Variants in SPEN observed in about 807,000 individuals in gnomAD.
SPEN encodes the protein msx2-interacting protein.
A neutral mutation model predicts 269.9 loss-of-function variants in SPEN; 18 were observed. The observed-to-expected ratio is 0.07, with a 90% confidence interval of 0.05 to 0.10. SPEN has a LOEUF of 0.10. SPEN is among the 10% of genes least tolerant of loss of function. The probability of loss-of-function intolerance (pLI) is 1.00; values close to 1 mark genes in which losing one functional copy is unlikely to be tolerated. For missense variants in SPEN, 3,822 were observed against 4,631.2 expected (o/e 0.83, Z 5.07); for synonymous variants, 1,726 against 1,765.7 (o/e 0.98, Z 0.56).
chr1:15,912,443 G>A (rs2071020620), intron 5 of SPEN, among the ~76,000 whole-genome samples: 1 of 152,098 alleles, frequency 6.6e-6, no homozygotes, highest in Non-Finnish European at 1.5e-5. Flanking sequence ...GGAATTTATA[G>A]GGTAAACATG....
chr1:15,856,434 A>G lies in SPEN; in HGVS notation c.83+8284A>G, dbSNP rs914115470. On this transcript the variant is annotated intron_variant, in intron 1 of 14. Coordinates refer to ENST00000375759, the MANE Select transcript of SPEN (RefSeq NM_015001.3). ...CAACTATAATATAGAGAAAACTAAT[A>G]GTAGTTGTGATTTTCGTCACCAATA... is the stretch of plus-strand genomic sequence containing the variant. Among the ~76,000 whole-genome samples, 6 of 152,216 alleles carry G rather than the reference A, an allele frequency of 3.9e-5. No individual in the cohort carries two copies. In the South Asian group the frequency reaches 6.2e-4, roughly 16 times the overall value.
intron 3 of SPEN, among the ~76,000 whole-genome samples, chr1:15,877,220 A>G (rs1214488677): frequency 6.6e-6 from 1 of 152,130 alleles, no homozygotes; most frequent in Non-Finnish European, 1.5e-5. Context: ...GCAGGTTGTA[A>G]CTTTACTGTT....
Position 15,848,537 on chromosome 1 carries a change from C to T in SPEN, c.83+387C>T, listed in dbSNP as rs957849547. Among the ~76,000 whole-genome samples, 1 of 152,008 alleles carries T rather than the reference C, an allele frequency of 6.6e-6. No homozygotes were observed. The highest frequency in any genetic ancestry group is 1.5e-5 in the Non-Finnish European group (1 of 67,954). On this transcript the variant is annotated intron_variant, in intron 1 of 14. Transcript: ENST00000375759. The surrounding 1 kb of genome is among the most constrained non-coding windows in gnomAD (Gnocchi z 5.1). Reference sequence around the variant, plus strand: ...AGTGCCCGGCCCGGAGCAGCCGGGACCCGAGCCCGCCCGACAGCCGGGTCC... The same window carrying T: ...AGTGCCCGGCCCGGAGCAGCCGGGATCCGAGCCCGCCCGACAGCCGGGTCC...
intron 2 of SPEN, among the ~76,000 whole-genome samples, chr1:15,874,769 G>A (rs72649627): frequency 0.011 from 1,747 of 152,178 alleles, 23 homozygotes; most frequent in Non-Finnish European, 0.014. Context: ...TCTCAGAACT[G>A]TAGTAAATAA....
At chr1:15,859,526 C>T (rs555453046) in intron 1 of SPEN, among the ~76,000 whole-genome samples, 191 of 151,648 alleles carry the variant, frequency 1.3e-3, no homozygotes, top group Middle Eastern at 0.01. Context: ...CCCGCCACCA[C>T]GCCCGGCTAA....
intron 10 of SPEN, among the ~76,000 whole-genome samples, chr1:15,926,259 T>TGGTG (rs1045361984): frequency 2.0e-5 from 3 of 151,534 alleles, no homozygotes; most frequent in African/African-American, 7.3e-5. Flanking sequence ...TGGCCAAGCG[T>TGGTG]GGTGGCGCAT....
rs200225571 is a variant in SPEN at position 15,933,704 on chromosome 1, G to A, written c.7464G>A (p.Gly2488=). 5.6e-6 allele frequency: 9 copies of A among 1,614,106 alleles called. No individual in the cohort carries two copies. The East Asian group carries it at 2.0e-4, about 36-fold the overall frequency. The change falls in exon 11 of 15, where the codon GGG becomes GGA. Residue 2488 remains glycine, a synonymous_variant. Coordinates refer to ENST00000375759, the MANE Select transcript of SPEN (RefSeq NM_015001.3). This position sits in a 1 kb window ranked among gnomAD's most constrained non-coding sequence, Gnocchi z 5.7. ...AKLSPPVASG[G]IPHQSPPTKV... is the part of the protein sequence containing the mutation. The stretch of plus-strand genomic sequence containing the variant: ...TCTCACCTCCTGTCGCCTCTGGGGG[G>A]ATCCCACACCAGAGCCCCCCTACTA...
intron 3 of SPEN, among the ~76,000 whole-genome samples, chr1:15,882,691 G>A (rs1462161348): frequency 5.3e-5 from 8 of 152,138 alleles, no homozygotes; most frequent in Admixed American, 3.9e-4. Flanking sequence ...GCCATGAGCC[G>A]AGGAATGCAC....
intron 1 of SPEN, among the ~76,000 whole-genome samples, chr1:15,864,765 C>T (rs1020176527): frequency 1.3e-4 from 20 of 151,142 alleles, no homozygotes; most frequent in African/African-American, 3.9e-4. Flanking sequence ...CTCAGCCTAC[C>T]GAGTAGCTAG....
At chr1:15,875,386 CA>C (rs1375533278) in intron 2 of SPEN, among the ~76,000 whole-genome samples, 1 of 152,052 alleles carries the variant, frequency 6.6e-6, no homozygotes, top group African/African-American at 2.4e-5. Context: ...GCCAAAAGAA[CA>C]TATTTCCTAC....
chr1:15,936,686 C>G (rs1466681404), intron 11 of SPEN, among the ~76,000 whole-genome samples: 3 of 151,560 alleles, frequency 2.0e-5, no homozygotes, highest in Admixed American at 2.0e-4. Flanking sequence ...CCTGTAATCC[C>G]AACACTTTGG....
chr1:15,933,961 C>T lies in SPEN; in HGVS notation c.7721C>T (p.Pro2574Leu), dbSNP rs201347979. 1.9e-5 allele frequency: 31 copies of T among 1,613,882 alleles called. No individual in the cohort carries two copies. The highest frequency in any genetic ancestry group is 4.4e-5 in the South Asian group (4 of 91,076). ...AAPCLHEAPPPPVDSKKPLEE... is the reference protein window; with the variant it reads ...AAPCLHEAPPLPVDSKKPLEE... ...CCTTGCCTACATGAGGCCCCGCCCC[C>T]GCCAGTTGACTCTAAAAAGCCTTTA... The change falls in exon 11 of 15, where the codon CCG becomes CTG. Residue 2574 changes from proline to leucine, a missense_variant. By Grantham distance (98) the Pro-to-Leu change is moderately conservative. Coordinates refer to ENST00000375759, the MANE Select transcript of SPEN (RefSeq NM_015001.3). This position sits in a 1 kb window ranked among gnomAD's most constrained non-coding sequence, Gnocchi z 5.7.
chr1:15,935,225 T>C lies in SPEN; in HGVS notation c.8985T>C (p.Pro2995=), dbSNP rs1357882918. ...HHPPALPSKL[P]TEVNHVPSGP... is the part of the protein sequence containing the mutation. Reference sequence around the variant, plus strand: ...CTCCTGCTCTGCCCAGCAAACTGCCTACAGAAGTCAACCATGTCCCCTCGG... The same window carrying C: ...CTCCTGCTCTGCCCAGCAAACTGCCCACAGAAGTCAACCATGTCCCCTCGG... The change falls in exon 11 of 15, where the codon CCT becomes CCC. Residue 2995 remains proline (P), a synonymous_variant. Transcript: ENST00000375759. The surrounding 1 kb of genome is among the most constrained non-coding windows in gnomAD (Gnocchi z 7.7). 1.2e-6 allele frequency: 2 copies of C among 1,613,978 alleles called. No individual in the cohort carries two copies. Among genetic ancestry groups the C allele is most frequent in the African/African-American group, 2.7e-5 (2 of 74,898 alleles).
At chr1:15,890,729 C>T (rs1029057044) in intron 3 of SPEN, among the ~76,000 whole-genome samples, 2 of 152,042 alleles carry the variant, frequency 1.3e-5, no homozygotes, top group Admixed American at 6.6e-5. Flanking sequence ...GAAACTAGTG[C>T]ATTTTCATGA....
intron 3 of SPEN, among the ~76,000 whole-genome samples, chr1:15,890,696 C>G (rs764215510): frequency 6.6e-6 from 1 of 151,728 alleles, no homozygotes; most frequent in Non-Finnish European, 1.5e-5. Flanking sequence ...ACATTTACAG[C>G]ATTTTGCAAC....
At chr1:15,902,489 T>C (rs2070911819) in intron 3 of SPEN, among the ~76,000 whole-genome samples, 1 of 152,074 alleles carries the variant, frequency 6.6e-6, no homozygotes, top group Non-Finnish European at 1.5e-5. Context: ...GTGGAAGTAT[T>C]ATTACTTGCT....
chr1:15,873,866 A>T (rs2070605697), intron 2 of SPEN: 2 of 1,082,550 alleles, frequency 1.8e-6, no homozygotes, highest in African/African-American at 3.3e-5. Context: ...TGCTGTCAAG[A>T]TTCCACTAGC....
At chr1:15,918,818 T>G in intron 6 of SPEN, 108 bp from the exon 7 acceptor site, 5 of 865,908 alleles carry the variant, frequency 5.8e-6, no homozygotes, top group Non-Finnish European at 8.7e-6. Flanking sequence ...AAGTAAATGA[T>G]GATTGAGAAC....
At chr1:15,887,278 T>TC (rs1157558657) in intron 3 of SPEN, among the ~76,000 whole-genome samples, 1 of 122,922 alleles carries the variant, frequency 8.1e-6, no homozygotes, top group African/African-American at 3.2e-5. Flanking sequence ...TGGCCTGAAT[T>TC]TTTTTTTTTT....
Sources: gnomAD v4.1 joint callset for allele counts (sites outside exome capture counted in the v4.1 genomes callset) on GRCh38, gnomAD v4.1.1 for gene constraint, Gnocchi (gnomAD v3.1) non-coding constraint, MANE v1.5 for transcripts, NCBI Gene and HGNC (gene_info 2026-07-23, HGNC 2026-07-21) for gene names.